The following TFAP2B variants were observed in gnomAD, a reference collection of about 807,000 sequenced individuals.
TFAP2B encodes transcription factor AP-2 beta.
A neutral mutation model predicts 44.3 loss-of-function variants in TFAP2B; 9 were observed. The observed-to-expected ratio is 0.20, with a 90% CI of 0.12 to 0.35. TFAP2B has a LOEUF of 0.35. TFAP2B is among the 10% of genes least tolerant of loss of function. The pLI, the probability that TFAP2B is intolerant of heterozygous loss-of-function variation, is 1.00. For missense variants in TFAP2B, 509 were observed against 600.0 expected, an observed-to-expected ratio of 0.85 and a Z score of 1.59; for synonymous variants, 270 against 263.8, an observed-to-expected ratio of 1.02 and a Z score of -0.23.
rs375026920 is a variant in TFAP2B at position 50,843,550 on chromosome 6, TAAAA to T, written c.*164_*167del. Reference sequence around the variant, plus strand: ...TTTTAAAAAAAAAAGCTAAATAACTTAAAAAAAAACTGAGGCGTACAACGGAGCA... The same window carrying T: ...TTTTAAAAAAAAAAGCTAAATAACTTAAAAACTGAGGCGTACAACGGAGCA... On this transcript the variant is annotated 3_prime_UTR_variant, in exon 7 of 7. Transcript: ENST00000393655. The T allele has an allele frequency of 2.0e-5, 16 of 819,412 alleles. No individual in the cohort carries two copies. The highest frequency in any genetic ancestry group is 8.8e-5 in the African/African-American group (5 of 56,784). The allele number at this position is 819,412 out of a possible 1,614,324, so 50.8% of individuals were successfully genotyped here. A position where few individuals can be genotyped will look rare whatever the true frequency, so the allele number is the denominator to read the frequency against.
intron 2 of TFAP2B, among the ~76,000 whole-genome samples, chr6:50,827,131 C>T (rs1770551593): frequency 2.0e-5 from 3 of 152,080 alleles, no homozygotes; most frequent in African/African-American, 7.2e-5. Flanking sequence ...TGTGAGGGCT[C>T]CCGGGTCCAG....
Position 50,843,546 on chromosome 6 carries a change from AACTT to A in TFAP2B, c.*156_*159del. On this transcript the variant is annotated 3_prime_UTR_variant, in exon 7 of 7. Transcript: ENST00000393655. ...AAAATTTTAAAAAAAAAAGCTAAAT[AACTT>A]AAAAAAAAACTGAGGCGTACAACGG... 2 of 858,580 alleles carry A rather than the reference AACTT, an allele frequency of 2.3e-6. No individual in the cohort carries two copies. The highest frequency in any genetic ancestry group is 3.6e-4 in the Middle Eastern group (1 of 2,780). 53.2% of individuals were successfully genotyped at this position (858,580 alleles called of 1,614,324 possible).
rs773440187 is a variant in TFAP2B at position 50,836,232 on chromosome 6, C to G, written c.773C>G (p.Ser258Trp). The change falls in exon 4 of 7, where the codon TCG becomes TGG. Residue 258 changes from serine (S) to tryptophan (W), a missense_variant. By Grantham distance (177) the Ser-to-Trp change is radical. Coordinates refer to ENST00000393655, the MANE Select transcript of TFAP2B (RefSeq NM_003221.4). ...GTGGGAGAAGTTCAGAGACGGCTGT[C>G]GCCCCCTGAATGCCTCAATGCATCT... ...VTVGEVQRRL[S>W]PPECLNASLL... 1 of 1,612,810 alleles carries G rather than the reference C, an allele frequency of 6.2e-7. No homozygotes were observed. The highest frequency in any genetic ancestry group is 8.5e-7 in the Non-Finnish European group (1 of 1,180,034).
rs201771988 is a variant in TFAP2B at position 50,838,108 on chromosome 6, T to C, written c.940+15T>C. ...CCTGGTGGAAGGTAAGCAAGACGTG[T>C]GGCCATTTCACGAAGTGGCTGAGCT... is the stretch of plus-strand genomic sequence containing the variant. On this transcript the variant is annotated intron_variant, in intron 5 of 6. Coordinates refer to ENST00000393655, the MANE Select transcript of TFAP2B (RefSeq NM_003221.4). 6.9e-6 allele frequency: 11 copies of C among 1,596,516 alleles called. No homozygotes were observed. In the East Asian group the frequency reaches 2.2e-4, roughly 32 times the overall value.
At chr6:50,842,396 T>A (rs945389709) in intron 6 of TFAP2B, among the ~76,000 whole-genome samples, 1 of 152,256 alleles carries the variant, frequency 6.6e-6, no homozygotes, top group South Asian at 2.1e-4. Context: ...CTTAACAGCC[T>A]ACCTTTAGGT....
intron 3 of TFAP2B, 29 bp from the exon 4 acceptor site, chr6:50,836,032 C>T (rs553692780): frequency 1.9e-6 from 3 of 1,595,062 alleles, no homozygotes; most frequent in South Asian, 2.2e-5. Flanking sequence ...ACTTGGTCAC[C>T]TTTATGGCAA....
chr6:50,828,722 G>T lies in TFAP2B; in HGVS notation c.601+43G>T, dbSNP rs369014312. The T allele has an allele frequency of 1.6e-5, 25 of 1,599,668 alleles. No homozygotes were observed. The African/African-American group carries it at 2.1e-4, about 14-fold the overall frequency. ...CAAAAAGTAAGCAAAGTTCTCTCAT[G>T]CATTAACGTCTTTATGATGAATTTT... On this transcript the variant is annotated intron_variant, in intron 3 of 6. Coordinates refer to ENST00000393655, the MANE Select transcript of TFAP2B (RefSeq NM_003221.4).
intron 1 of TFAP2B, among the ~76,000 whole-genome samples, chr6:50,820,701 C>A (rs1490307259): frequency 1.3e-5 from 2 of 152,240 alleles, no homozygotes; most frequent in African/African-American, 2.4e-5. Flanking sequence ...AGAATATTAG[C>A]GCCCAAAGTG....
chr6:50,825,221 A>G (rs1770469921), intron 2 of TFAP2B, among the ~76,000 whole-genome samples: 1 of 152,176 alleles, frequency 6.6e-6, no homozygotes, highest in South Asian at 2.1e-4. Context: ...TTGTTGATTT[A>G]ACTGAGCTTG....
intron 6 of TFAP2B, among the ~76,000 whole-genome samples, chr6:50,842,226 G>T (rs1317565974): frequency 1.3e-5 from 2 of 152,186 alleles, no homozygotes; most frequent in Admixed American, 1.3e-4. Flanking sequence ...GACCTTCAGG[G>T]CTAGAACCAT....
intron 6 of TFAP2B, 38 bp downstream of exon 6, chr6:50,840,335 A>G (rs1413991057): frequency 1.3e-5 from 21 of 1,610,238 alleles, no homozygotes; most frequent in Non-Finnish European, 1.6e-5. Flanking sequence ...TCTCACTCCC[A>G]GCTGGCTAGG....
At position 50,828,735 on chromosome 6, in the gene TFAP2B, T is replaced by C; in HGVS notation, c.601+56T>C. 1.9e-6 allele frequency: 3 copies of C among 1,578,040 alleles called. No homozygotes were observed. In the Admixed American group the frequency reaches 5.0e-5, roughly 26 times the overall value. The stretch of plus-strand genomic sequence containing the variant: ...AAGTTCTCTCATGCATTAACGTCTT[T>C]ATGATGAATTTTCACTTTGGGGGAA... On this transcript the variant is annotated intron_variant, in intron 3 of 6. Transcript: ENST00000393655.
At chr6:50,822,644 A>G (rs887353205) in intron 1 of TFAP2B, among the ~76,000 whole-genome samples, 2 of 152,224 alleles carry the variant, frequency 1.3e-5, no homozygotes, top group African/African-American at 4.8e-5. Flanking sequence ...CATCCTGAGT[A>G]TAACAGCATT....
chr6:50,825,917 A>T (rs1770490074), intron 2 of TFAP2B, among the ~76,000 whole-genome samples: 1 of 152,186 alleles, frequency 6.6e-6, no homozygotes, highest in Non-Finnish European at 1.5e-5. Context: ...AACAGCAAAG[A>T]CAGGGACGGT....
Position 50,823,610 on chromosome 6 carries a change from G to T in TFAP2B, c.285G>T (p.Leu95=). ...PYSHVNDPYS[L]NPLHQPQQHP... is the part of the protein sequence containing the mutation. ...CCCACGTCAACGACCCCTACTCCCTGAACCCACTGCACCAGCCCCAGCAAC... is the reference window on the plus strand; with the variant it reads ...CCCACGTCAACGACCCCTACTCCCTTAACCCACTGCACCAGCCCCAGCAAC... Residue 95 remains leucine, a synonymous_variant, in exon 2 of 7, where the codon CTG becomes CTT. Transcript: ENST00000393655. 1.2e-6 allele frequency: 2 copies of T among 1,613,832 alleles called. No homozygotes were observed. The highest frequency in any genetic ancestry group is 1.7e-6 in the Non-Finnish European group (2 of 1,179,956).
chr6:50,838,204 C>T, intron 5 of TFAP2B, 111 bp downstream of exon 5: 1 of 960,916 alleles, frequency 1.0e-6, no homozygotes, highest in Middle Eastern at 2.3e-4. Flanking sequence ...TTGTTGTGCT[C>T]TTATGAGCTG....
intron 2 of TFAP2B, among the ~76,000 whole-genome samples, chr6:50,826,331 C>T (rs1236785449): frequency 1.3e-5 from 2 of 152,128 alleles, no homozygotes; most frequent in East Asian, 3.9e-4. Flanking sequence ...AGGGTGCTGC[C>T]CTGCCTATGG....
At chr6:50,838,497 CT>C (rs1762665978) in intron 5 of TFAP2B, among the ~76,000 whole-genome samples, 1 of 152,136 alleles carries the variant, frequency 6.6e-6, no homozygotes, top group African/African-American at 2.4e-5. Context: ...TTCATGACCC[CT>C]AATGGTTATT....
intron 3 of TFAP2B, among the ~76,000 whole-genome samples, chr6:50,830,834 T>G (rs892085321): frequency 1.3e-5 from 2 of 152,202 alleles, no homozygotes; most frequent in African/African-American, 4.8e-5. Flanking sequence ...TTATGAGAGA[T>G]GTTTCCAAGA....
Sources: allele counts gnomAD v4.1 joint callset (sites outside exome capture counted in the v4.1 genomes callset), GRCh38; gene constraint gnomAD v4.1.1; transcripts MANE v1.5; gene names NCBI Gene and HGNC (gene_info 2026-07-23, HGNC 2026-07-21).